RBFOX1: variants seen among roughly 807,000 people sequenced by gnomAD.
The protein encoded by RBFOX1 is RNA binding fox-1 homolog 1.
A neutral mutation model predicts 57.7 loss-of-function variants in RBFOX1; 8 were observed. That is an observed-to-expected ratio of 0.14 (90% confidence interval 0.08 to 0.25). RBFOX1 has a LOEUF of 0.25. RBFOX1 is among the 10% of genes least tolerant of loss of function. The pLI is 1.00. For missense variants in RBFOX1, 611 were observed against 548.5 expected, an observed-to-expected ratio of 1.11 and a Z score of -1.14; for synonymous variants, 326 against 222.4, an observed-to-expected ratio of 1.47 and a Z score of -4.15.
chr16:6,628,991 C>G (rs1281853914), intron 2 of RBFOX1, among the ~76,000 whole-genome samples: 2 of 152,166 alleles, frequency 1.3e-5, no homozygotes, highest in African/African-American at 4.8e-5. Context: ...GATTGCACCA[C>G]TGCACTGCAG....
chr16:6,996,916 A>G lies in RBFOX1; in HGVS notation c.-15-55141A>G, dbSNP rs182521027. Among the ~76,000 whole-genome samples, 818 of 152,320 alleles carry G rather than the reference A, an allele frequency of 5.4e-3. 1 individual carries two copies. The highest frequency in any genetic ancestry group is 8.0e-3 in the Non-Finnish European group (543 of 68,034). ...AGAAGCTGATGGAACTGAACTTTGC[A>G]TCCAGGAAATCAGACTAGAGAATTT... On this transcript the variant is annotated intron_variant, in intron 3 of 15. Coordinates refer to ENST00000550418, the MANE Select transcript of RBFOX1 (RefSeq NM_018723.4).
intron 4 of RBFOX1, among the ~76,000 whole-genome samples, chr16:7,259,939 A>G (rs1331220645): frequency 6.6e-6 from 1 of 152,140 alleles, no homozygotes; most frequent in Non-Finnish European, 1.5e-5. Context: ...TTATACTGTC[A>G]TTATCCCTCC....
At chr16:7,493,079 A>G (rs1327011813) in intron 4 of RBFOX1, among the ~76,000 whole-genome samples, 1 of 152,094 alleles carries the variant, frequency 6.6e-6, no homozygotes, top group Admixed American at 6.5e-5. Flanking sequence ...GGGTTTCACT[A>G]TGTTGGTCAG....
At chr16:5,542,238 G>A (rs1034740692) in intron 2 of RBFOX1, among the ~76,000 whole-genome samples, 4 of 142,502 alleles carry the variant, frequency 2.8e-5, no homozygotes, top group African/African-American at 1.1e-4. Flanking sequence ...AATAACACAG[G>A]TATTGATTTT....
At chr16:6,985,832 T>TTAAAAAAAAAA (rs1555718816) in intron 3 of RBFOX1, among the ~76,000 whole-genome samples, 5 of 99,840 alleles carry the variant, frequency 5.0e-5, no homozygotes, top group African/African-American at 2.4e-4. Context: ...TGAGTTCATG[T>TTAAAAAAAAAA]AAAAAAAAAA....
intron 2 of RBFOX1, among the ~76,000 whole-genome samples, chr16:6,578,869 G>C (rs1383357060): frequency 6.6e-6 from 1 of 151,868 alleles, no homozygotes; most frequent in Non-Finnish European, 1.5e-5. Context: ...TGATACAATG[G>C]ACTTTGGGGA....
intron 3 of RBFOX1, among the ~76,000 whole-genome samples, chr16:6,838,301 G>A (rs935152332): frequency 1.3e-5 from 2 of 151,914 alleles, no homozygotes; most frequent in African/African-American, 4.8e-5. Flanking sequence ...TTCCTGTGAT[G>A]GTTTGCTGAG....
At chr16:5,501,106 A>T (rs1036947119) in intron 2 of RBFOX1, among the ~76,000 whole-genome samples, 1 of 152,162 alleles carries the variant, frequency 6.6e-6, no homozygotes, top group African/African-American at 2.4e-5. Context: ...ACCTGAGGTC[A>T]GGAGTTTGAG....
At chr16:6,837,714 A>C (rs1374501388) in intron 3 of RBFOX1, among the ~76,000 whole-genome samples, 1 of 152,256 alleles carries the variant, frequency 6.6e-6, no homozygotes, top group Non-Finnish European at 1.5e-5. Flanking sequence ...GGCATTGTGC[A>C]AGTTCAGATA....
chr16:5,970,121 G>A (rs1423511595), intron 4 of RBFOX1, among the ~76,000 whole-genome samples: 6 of 152,244 alleles, frequency 3.9e-5, no homozygotes, highest in Non-Finnish European at 2.9e-5. Context: ...CGCATGACCT[G>A]AGGTTTCTTG....
At chr16:6,391,285 C>T (rs1189650352) in intron 2 of RBFOX1, among the ~76,000 whole-genome samples, 5 of 151,976 alleles carry the variant, frequency 3.3e-5, no homozygotes, top group East Asian at 1.9e-4. Context: ...CCAGGCGGGC[C>T]GATCACGAGG....
At chr16:7,604,492 T>C (rs2095202445) in intron 9 of RBFOX1, among the ~76,000 whole-genome samples, 1 of 152,336 alleles carries the variant, frequency 6.6e-6, no homozygotes, top group East Asian at 1.9e-4. Context: ...AAGGAGAGTA[T>C]CATTTATTTT....
chr16:7,460,529 A>G (rs1227102772), intron 4 of RBFOX1, among the ~76,000 whole-genome samples: 1 of 147,758 alleles, frequency 6.8e-6, no homozygotes, highest in Non-Finnish European at 1.5e-5. Flanking sequence ...ATATACATAT[A>G]TATTAGAGGG....
chr16:6,593,078 G>A (rs897647681), intron 2 of RBFOX1, among the ~76,000 whole-genome samples: 7 of 152,286 alleles, frequency 4.6e-5, no homozygotes, highest in South Asian at 4.1e-4. Flanking sequence ...TGTACTCCCA[G>A]CTACTTGGGA....
chr16:6,326,560 C>T (rs892584071), intron 2 of RBFOX1, among the ~76,000 whole-genome samples: 55 of 152,270 alleles, frequency 3.6e-4, no homozygotes, highest in African/African-American at 1.3e-3. Context: ...AGAGGGCATT[C>T]TCCTCTCAGG....
intron 3 of RBFOX1, among the ~76,000 whole-genome samples, chr16:5,661,893 C>G (rs937943194): frequency 1.3e-5 from 2 of 152,028 alleles, no homozygotes; most frequent in African/African-American, 4.8e-5. Context: ...TCAAGCGATT[C>G]TCCTGCTGCA....
chr16:5,363,624 T>TA (rs2065617210), intron 1 of RBFOX1, among the ~76,000 whole-genome samples: 1 of 152,178 alleles, frequency 6.6e-6, no homozygotes, highest in Admixed American at 6.5e-5. Flanking sequence ...TCAGACTAGG[T>TA]AGGTAGCACC....
intron 3 of RBFOX1, among the ~76,000 whole-genome samples, chr16:6,670,586 G>A (rs2098757901): frequency 6.6e-6 from 1 of 152,206 alleles, no homozygotes; most frequent in South Asian, 2.1e-4. Flanking sequence ...CCTTGATAGT[G>A]GTATGAAAAT....
At chr16:7,598,837 T>C (rs979602499) in intron 9 of RBFOX1, among the ~76,000 whole-genome samples, 6 of 152,146 alleles carry the variant, frequency 3.9e-5, no homozygotes, top group South Asian at 2.1e-4. Context: ...AACAGATAAA[T>C]AGGTTCAGTC....
Sources: gnomAD v4.1 joint callset for allele counts (sites outside exome capture counted in the v4.1 genomes callset) on GRCh38, gnomAD v4.1.1 for gene constraint, MANE v1.5 for transcripts, NCBI Gene and HGNC (gene_info 2026-07-23, HGNC 2026-07-21) for gene names.